Variants in MACO1 observed in about 807,000 individuals in gnomAD.
The protein encoded by MACO1 is macoilin.
Under a neutral mutation model 78.7 loss-of-function variants are expected in MACO1, and 14 were observed. That is an observed-to-expected ratio of 0.18 (90% CI 0.12 to 0.28). The LOEUF (loss-of-function observed/expected upper bound fraction) is 0.28. MACO1 is among the 10% of genes least tolerant of loss of function. The probability of loss-of-function intolerance (pLI) is 1.00; values close to 1 mark genes in which losing one functional copy is unlikely to be tolerated. For synonymous variants in MACO1, 288 were observed against 291.6 expected, an observed-to-expected ratio of 0.99 and a Z score of 0.12; for missense variants, 501 against 799.0, an observed-to-expected ratio of 0.63 and a Z score of 4.50.
intron 4 of MACO1, among the ~76,000 whole-genome samples, chr1:25,454,662 A>G (rs67124498): frequency 0.41 from 61,870 of 149,992 alleles, 14,048 homozygotes; most frequent in East Asian, 0.72. Flanking sequence ...TTGTATTTTT[A>G]GTAGAGACAG....
At position 25,488,881 on chromosome 1, in the gene MACO1, G is replaced by A. The variant is rs1412725681; in HGVS notation, c.1497-292G>A. ...CGCCCAAGCTGGAGTGCAGTGGCAC[G>A]ATCTGGACTCGCTGCAACCTCCACC... On this transcript the variant is annotated intron_variant, in intron 8 of 10. Transcript: ENST00000374343. Among the ~76,000 whole-genome samples, 4 of 151,762 alleles carry A rather than the reference G, an allele frequency of 2.6e-5. No homozygotes were observed. The South Asian group carries it at 8.3e-4, about 32-fold the overall frequency.
intron 8 of MACO1, among the ~76,000 whole-genome samples, chr1:25,487,025 G>A (rs965157457): frequency 3.3e-5 from 5 of 152,126 alleles, no homozygotes; most frequent in Non-Finnish European, 5.9e-5. Flanking sequence ...GTTCCTTAAC[G>A]ATATTGCTTA....
At position 25,458,648 on chromosome 1, in the gene MACO1, G is replaced by C. The variant is rs763781722; in HGVS notation, c.910G>C (p.Gly304Arg). 1 of 1,614,084 alleles carries C rather than the reference G, an allele frequency of 6.2e-7. No individual in the cohort carries two copies. ...NSKRLNNDLV[G>R]STENLLKEDS... ...TAAAAGATTAAATAATGATCTTGTG[G>C]GAAGTACAGAAAATCTCTTGAAAGA... The change falls in exon 6 of 11, where the codon GGA becomes CGA. Residue 304 changes from glycine (G) to arginine (R), a missense_variant. By Grantham distance (125) the Gly-to-Arg change is moderately radical. Around this residue, in one of 5 missense-constraint regions of MACO1, gnomAD observed 90 missense variants for 85.7 expected, o/e 1.05. Transcript: ENST00000374343.
At chr1:25,441,762 G>C (rs923645379) in intron 1 of MACO1, among the ~76,000 whole-genome samples, 1 of 152,194 alleles carries the variant, frequency 6.6e-6, no homozygotes, top group Non-Finnish European at 1.5e-5. Context: ...GCTGTGTGCC[G>C]AAGGATGAGT....
Position 25,446,859 on chromosome 1 carries a change from C to T in MACO1, c.178C>T (p.Leu60Phe). ...ATTTGAATACCTGTGGCCATTCTGGCTTTTCATCAGAAGCGTCTATGATTC... is the reference window on the plus strand; with the variant it reads ...ATTTGAATACCTGTGGCCATTCTGGTTTTTCATCAGAAGCGTCTATGATTC... Reference protein sequence around the residue: ...FRFEYLWPFWLFIRSVYDSFR... With the variant: ...FRFEYLWPFWFFIRSVYDSFR... Residue 60 changes from leucine to phenylalanine, a missense_variant, in exon 2 of 11, where the codon CTT becomes TTT. By Grantham distance (22) the Leu-to-Phe change is conservative. This residue lies in a region of MACO1 where 171 missense variants were observed against 292.1 expected (regional missense o/e 0.59). Coordinates refer to ENST00000374343, the MANE Select transcript of MACO1 (RefSeq NM_018202.6). The T allele has an allele frequency of 6.2e-7, 1 of 1,613,902 alleles. No individual in the cohort carries two copies. Among genetic ancestry groups the T allele is most frequent in the Non-Finnish European group, 8.5e-7 (1 of 1,179,932 alleles).
intron 10 of MACO1, among the ~76,000 whole-genome samples, chr1:25,495,969 T>TGAACA (rs1185846812): frequency 6.6e-6 from 1 of 151,918 alleles, no homozygotes; most frequent in Non-Finnish European, 1.5e-5. Flanking sequence ...TCAAAAAAAA[T>TGAACA]GAACAAAACA....
chr1:25,471,751 G>A (rs78816945), intron 6 of MACO1, among the ~76,000 whole-genome samples: 1,600 of 152,280 alleles, frequency 0.011, 14 homozygotes, highest in Middle Eastern at 0.017. Flanking sequence ...AGACCCAATC[G>A]AGGACTGCAC....
At position 25,458,896 on chromosome 1, in the gene MACO1, A is replaced by G; in HGVS notation, c.1154+4A>G. ...GCAAACCAGACGCACTGGTCAGGTA[A>G]GTGCACATGCTGCATCCTTACTAAC... On this transcript the variant is annotated splice_donor_region_variant and intron_variant, in intron 6 of 10. Transcript: ENST00000374343. The G allele has an allele frequency of 6.2e-7, 1 of 1,608,344 alleles. No individual in the cohort carries two copies. Among genetic ancestry groups the G allele is most frequent in the Non-Finnish European group, 8.5e-7 (1 of 1,176,938 alleles).
intron 1 of MACO1, among the ~76,000 whole-genome samples, chr1:25,444,189 G>A (rs1290881695): frequency 1.3e-5 from 2 of 151,138 alleles, no homozygotes; most frequent in Non-Finnish European, 2.9e-5. Flanking sequence ...AACCCGGGAA[G>A]TGGAGGTTGC....
In MACO1 at chr1:25,484,309, C is replaced by T. The variant is rs150555796; in HGVS notation, c.1313+35C>T. 3.1e-4 allele frequency: 473 copies of T among 1,541,272 alleles called. 5 individuals carry two copies. The East Asian group carries it at 0.01, about 33-fold the overall frequency. On this transcript the variant is annotated intron_variant, in intron 7 of 10. Transcript: ENST00000374343. ...CCTTTCAGGCCTTTGGCCGTAAGCC[C>T]GGCAGCTTCACTGCTTCTCCTGTTG...
intron 9 of MACO1, among the ~76,000 whole-genome samples, chr1:25,490,742 A>T (rs1399430287): frequency 6.6e-6 from 1 of 152,232 alleles, no homozygotes. Flanking sequence ...TTCAAACAAT[A>T]GTTAAAATCA....
At chr1:25,449,813 G>C (rs1011262326) in intron 3 of MACO1, among the ~76,000 whole-genome samples, 7 of 152,248 alleles carry the variant, frequency 4.6e-5, no homozygotes, top group Non-Finnish European at 8.8e-5. Flanking sequence ...GAGGTCAGGA[G>C]TTTGAAACCA....
At chr1:25,463,100 GT>G (rs2043185915) in intron 6 of MACO1, among the ~76,000 whole-genome samples, 2 of 152,198 alleles carry the variant, frequency 1.3e-5, no homozygotes, top group Non-Finnish European at 2.9e-5. Context: ...GTAGTCACTT[GT>G]TTTGACGATC....
chr1:25,453,851 G>A (rs2124582194), intron 3 of MACO1, among the ~76,000 whole-genome samples: 1 of 152,016 alleles, frequency 6.6e-6, no homozygotes, highest in South Asian at 2.1e-4. Context: ...TTATCTAATA[G>A]TTAAGAAAAT....
intron 6 of MACO1, among the ~76,000 whole-genome samples, chr1:25,469,239 CAT>C (rs1483257501): frequency 6.6e-6 from 1 of 152,234 alleles, no homozygotes; most frequent in Non-Finnish European, 1.5e-5. Flanking sequence ...TTGATAACAA[CAT>C]AATCTATAAA....
chr1:25,434,600 G>A (rs2042903553), intron 1 of MACO1, among the ~76,000 whole-genome samples: 1 of 152,072 alleles, frequency 6.6e-6, no homozygotes. Context: ...CTGTTTTAGT[G>A]GTTCATCTGA....
intron 3 of MACO1, among the ~76,000 whole-genome samples, chr1:25,452,928 C>A (rs1465665162): frequency 6.6e-6 from 1 of 151,556 alleles, no homozygotes; most frequent in African/African-American, 2.4e-5. Context: ...AACTCCTGAC[C>A]TCGTGATCCA....
intron 4 of MACO1, among the ~76,000 whole-genome samples, chr1:25,455,364 A>G (rs1013504323): frequency 6.6e-5 from 10 of 152,216 alleles, no homozygotes; most frequent in African/African-American, 2.2e-4. Flanking sequence ...TCTCCTAAAC[A>G]CACCAATTTT....
At chr1:25,491,694 T>TC (rs1424454648) in intron 10 of MACO1, 110 bp downstream of exon 10, 1 of 852,216 alleles carries the variant, frequency 1.2e-6, no homozygotes, top group East Asian at 2.6e-5. Flanking sequence ...AGTTTTCTCT[T>TC]CAAGAGTCTT....
Sources: allele counts gnomAD v4.1 joint callset (sites outside exome capture counted in the v4.1 genomes callset), GRCh38; gene constraint gnomAD v4.1.1; regional missense constraint gnomAD v4.1.1; transcripts MANE v1.5; gene names NCBI Gene and HGNC (gene_info 2026-07-23, HGNC 2026-07-21).